MACROD2: variants seen among roughly 807,000 people sequenced by gnomAD.
The protein encoded by MACROD2 is mono-ADP ribosylhydrolase 2.
In MACROD2, 36 loss-of-function variants were observed where a neutral mutation model predicts 70.4. The ratio of observed to expected loss-of-function variants is 0.51; its 90% CI spans 0.39 to 0.68. MACROD2 has a LOEUF of 0.68. Among genes scored for constraint, MACROD2 ranks in the 30% least tolerant of loss-of-function variants. The probability of loss-of-function intolerance (pLI) is 0.00; values close to 1 mark genes in which losing one functional copy is unlikely to be tolerated. For missense variants in MACROD2, 496 were observed against 538.4 expected (o/e 0.92, Z 0.78); for synonymous variants, 172 against 178.8 (o/e 0.96, Z 0.30).
intron 3 of MACROD2, among the ~76,000 whole-genome samples, chr20:14,322,387 G>T (rs2082671524): frequency 7.1e-6 from 1 of 141,492 alleles, no homozygotes; most frequent in Non-Finnish European, 1.5e-5. Context: ...TATACTGACT[G>T]GAAAATATCA....
intron 3 of MACROD2, among the ~76,000 whole-genome samples, chr20:14,149,158 A>G (rs539274263): frequency 2.9e-4 from 43 of 147,604 alleles, no homozygotes; most frequent in African/African-American, 1.0e-3. Context: ...CCCAATGTCT[A>G]TTGCTGCCAT....
intron 2 of MACROD2, among the ~76,000 whole-genome samples, chr20:14,075,881 A>C (rs3908765): frequency 0.99 from 151,314 of 152,290 alleles, 75,180 homozygotes; most frequent in East Asian, 1. Context: ...TGGGCTTTGG[A>C]GACATCCTTA....
At chr20:14,337,015 A>C (rs959834152) in intron 3 of MACROD2, among the ~76,000 whole-genome samples, 2 of 152,202 alleles carry the variant, frequency 1.3e-5, no homozygotes, top group Non-Finnish European at 2.9e-5. Context: ...AGTTGTAAAA[A>C]CAGCAATTGG....
intron 4 of MACROD2, among the ~76,000 whole-genome samples, chr20:14,666,732 T>G (rs937773518): frequency 1.3e-5 from 2 of 151,884 alleles, no homozygotes; most frequent in African/African-American, 4.8e-5. Flanking sequence ...TACCAATTAC[T>G]AAAGTGTTGT....
chr20:15,305,850 T>G (rs1041725336), intron 6 of MACROD2, among the ~76,000 whole-genome samples: 11 of 152,210 alleles, frequency 7.2e-5, no homozygotes, highest in African/African-American at 2.7e-4. Context: ...TTTATTGTTT[T>G]GAATGTAATG....
At chr20:15,937,370 T>G in intron 11 of MACROD2, 106 bp from the exon 12 acceptor site, 1 of 952,870 alleles carries the variant, frequency 1.0e-6, no homozygotes, top group Middle Eastern at 2.3e-4. Flanking sequence ...TGCGGCAGGC[T>G]CATGCTTTCT....
chr20:14,384,244 G>C (rs2083449575), intron 3 of MACROD2, among the ~76,000 whole-genome samples: 1 of 152,068 alleles, frequency 6.6e-6, no homozygotes, highest in Non-Finnish European at 1.5e-5. Context: ...ATAGCCATTG[G>C]GAAATGAGTT....
intron 5 of MACROD2, among the ~76,000 whole-genome samples, chr20:14,688,563 T>C (rs544819377): frequency 1.3e-5 from 2 of 149,566 alleles, no homozygotes; most frequent in South Asian, 2.2e-4. Context: ...AATATTTCAT[T>C]GAAGGCTATT....
chr20:15,863,034 A>T (rs542539353), intron 9 of MACROD2, among the ~76,000 whole-genome samples: 1 of 151,800 alleles, frequency 6.6e-6, no homozygotes, highest in African/African-American at 2.4e-5. Context: ...GTCTTGGGGA[A>T]GTCAGTTCAT....
intron 12 of MACROD2, among the ~76,000 whole-genome samples, chr20:15,962,207 G>A (rs769715300): frequency 1.3e-5 from 2 of 152,136 alleles, no homozygotes; most frequent in African/African-American, 4.8e-5. Context: ...CAGTGAGAAC[G>A]GTCCAACTCA....
intron 5 of MACROD2, among the ~76,000 whole-genome samples, chr20:15,142,301 G>T (rs917885205): frequency 5.9e-5 from 9 of 152,172 alleles, no homozygotes; most frequent in East Asian, 3.9e-4. Flanking sequence ...AGGATCAAAG[G>T]TTTTTGATAA....
chr20:15,942,974 G>C (rs1338115298), intron 12 of MACROD2, among the ~76,000 whole-genome samples: 1 of 152,116 alleles, frequency 6.6e-6, no homozygotes, highest in East Asian at 1.9e-4. Flanking sequence ...GTATTCCTTT[G>C]GAACACCATG....
chr20:15,765,547 A>G (rs1050168836), intron 8 of MACROD2, among the ~76,000 whole-genome samples: 8 of 152,242 alleles, frequency 5.3e-5, no homozygotes, highest in Admixed American at 5.2e-4. Flanking sequence ...ATGCAAATCT[A>G]TTACGGTGGG....
At chr20:14,892,382 C>T (rs6079598) in intron 5 of MACROD2, among the ~76,000 whole-genome samples, 2 of 151,730 alleles carry the variant, frequency 1.3e-5, no homozygotes, top group South Asian at 2.1e-4. Context: ...GGCTGAGACA[C>T]GAGAATCACT....
At chr20:14,696,353 T>C (rs1367407534) in intron 5 of MACROD2, among the ~76,000 whole-genome samples, 1 of 152,180 alleles carries the variant, frequency 6.6e-6, no homozygotes. Context: ...CATGCTTTTT[T>C]TTACTGATAA....
chr20:15,271,201 G>T (rs1235003332), intron 6 of MACROD2, among the ~76,000 whole-genome samples: 1 of 152,178 alleles, frequency 6.6e-6, no homozygotes, highest in Non-Finnish European at 1.5e-5. Flanking sequence ...AGCACTAGCA[G>T]ATTTGGCTTC....
chr20:14,662,977 A>G (rs1402112335), intron 4 of MACROD2, among the ~76,000 whole-genome samples: 62 of 152,182 alleles, frequency 4.1e-4, no homozygotes. Flanking sequence ...CAATCCCATT[A>G]CTGGGCATAT....
chr20:14,297,191 C>T (rs1283308144), intron 3 of MACROD2, among the ~76,000 whole-genome samples: 1 of 151,762 alleles, frequency 6.6e-6, no homozygotes, highest in African/African-American at 2.4e-5. Flanking sequence ...CTCTGGCTTC[C>T]CTCTTCCCTG....
intron 15 of MACROD2, among the ~76,000 whole-genome samples, chr20:16,033,897 G>GA (rs1568724704): frequency 6.6e-6 from 1 of 151,830 alleles, no homozygotes; most frequent in East Asian, 1.9e-4. Context: ...CACAGAGAGA[G>GA]AAAAAATCAA....
Sources: gnomAD v4.1 joint callset for allele counts (sites outside exome capture counted in the v4.1 genomes callset) on GRCh38, gnomAD v4.1.1 for gene constraint, MANE v1.5 for transcripts, NCBI Gene and HGNC (gene_info 2026-07-23, HGNC 2026-07-21) for gene names.